SFXN5: variants seen among roughly 807,000 people sequenced by gnomAD.
SFXN5 encodes sideroflexin-5.
SFXN5 carries 43 observed loss-of-function variants against 50.2 expected under a neutral mutation model. The ratio of observed to expected loss-of-function variants is 0.86; its 90% CI spans 0.67 to 1.11. SFXN5 has a LOEUF of 1.11. Among genes scored for constraint, SFXN5 ranks in the 50% least tolerant of loss-of-function variants. The pLI, the probability that SFXN5 is intolerant of heterozygous loss-of-function variation, is 0.00. For synonymous variants in SFXN5, 203 were observed against 185.8 expected (o/e 1.09, Z -0.75); for missense variants, 463 against 454.1 (o/e 1.02, Z -0.18).
chr2:72,981,056 G>A (rs985591667), intron 10 of SFXN5: 2 of 152,256 alleles, frequency 1.3e-5, no homozygotes, highest in South Asian at 2.1e-4. Context: ...TGCCTTGGTC[G>A]CGTGCGAGTG....
At chr2:72,974,521 GT>G (rs1670392735) in intron 10 of SFXN5, among the ~76,000 whole-genome samples, 1 of 152,136 alleles carries the variant, frequency 6.6e-6, no homozygotes, top group South Asian at 2.1e-4. Flanking sequence ...CAGAATGATG[GT>G]ACCTGCCCCC....
Position 73,071,323 on chromosome 2 carries a change from G to A in SFXN5, c.102+281C>T, listed in dbSNP as rs141900764. 5.0e-4 allele frequency: 216 copies of A among 433,134 alleles called. 2 individuals carry two copies. Among genetic ancestry groups the A allele is most frequent in the African/African-American group, 4.0e-3 (193 of 48,092 alleles). The allele number at this position is 433,134 out of a possible 1,614,324, so 26.8% of individuals were successfully genotyped here. On this transcript the variant is annotated intron_variant, in intron 1 of 13. Transcript: ENST00000272433. Reference sequence around the variant, plus strand: ...CTCGGGACCTTGACCGCAGCCGCCGGTGGCCAATCACAGGGCGCCGCGGGC... The same window carrying A: ...CTCGGGACCTTGACCGCAGCCGCCGATGGCCAATCACAGGGCGCCGCGGGC...
At chr2:73,071,547 GT>G in intron 1 of SFXN5, 56 bp downstream of exon 1, 1 of 1,535,728 alleles carries the variant, frequency 6.5e-7, no homozygotes, top group South Asian at 1.2e-5. Context: ...TTGGAGGGGA[GT>G]TTGCTCGTCC....
intron 1 of SFXN5, chr2:73,071,266 A>G (rs963923285): frequency 1.3e-5 from 4 of 302,344 alleles, no homozygotes; most frequent in African/African-American, 8.9e-5. Context: ...CACAACCCGG[A>G]GCGACCCTGA....
intron 2 of SFXN5, chr2:73,049,558 C>A (rs1207363152): frequency 1.3e-5 from 2 of 152,176 alleles, no homozygotes; most frequent in Non-Finnish European, 2.9e-5. Context: ...CCCGGCCAGG[C>A]CTCTTTTACA....
intron 3 of SFXN5, among the ~76,000 whole-genome samples, chr2:73,029,546 G>C (rs1427744706): frequency 6.6e-6 from 1 of 152,148 alleles, no homozygotes. Context: ...ATCTCAGAGA[G>C]ACTAAGTGAC....
At chr2:73,010,102 T>C (rs529930023) in intron 6 of SFXN5, among the ~76,000 whole-genome samples, 3 of 152,244 alleles carry the variant, frequency 2.0e-5, no homozygotes, top group South Asian at 2.1e-4. Context: ...ATGGAATATT[T>C]ATAAAAGTTA....
At chr2:72,994,107 T>G (rs1574060480) in intron 9 of SFXN5, among the ~76,000 whole-genome samples, 1 of 151,770 alleles carries the variant, frequency 6.6e-6, no homozygotes, top group Non-Finnish European at 1.5e-5. Flanking sequence ...CCACAGGGGG[T>G]GCAGCAGGAA....
chr2:72,970,638 T>A (rs945031439), intron 11 of SFXN5, among the ~76,000 whole-genome samples: 2 of 150,780 alleles, frequency 1.3e-5, no homozygotes, highest in Non-Finnish European at 2.9e-5. Flanking sequence ...CTAACCACCA[T>A]CAGGACAAAG....
chr2:73,003,935 T>C (rs1259997446), intron 6 of SFXN5, among the ~76,000 whole-genome samples: 3 of 152,132 alleles, frequency 2.0e-5, no homozygotes, highest in African/African-American at 7.2e-5. Flanking sequence ...CTGCTATGAG[T>C]CTCCTCATTC....
intron 2 of SFXN5, among the ~76,000 whole-genome samples, chr2:73,054,622 C>A (rs917227646): frequency 2.0e-5 from 3 of 152,194 alleles, no homozygotes; most frequent in African/African-American, 7.2e-5. Context: ...CCTGCCTGTT[C>A]ATGGTAATCT....
chr2:73,010,720 AC>A lies in SFXN5; in HGVS notation c.358-9143del, dbSNP rs1398723436. Among the ~76,000 whole-genome samples the A allele has an allele frequency of 1.3e-5, 2 of 152,204 alleles. 1 individual carries two copies. Among genetic ancestry groups the A allele is most frequent in the African/African-American group, 4.8e-5 (2 of 41,438 alleles). ...TTCTCTGAAAATAAGATAAGCTAGA[AC>A]ATAACAAAAGAACACATTTTTTAAA... On this transcript the variant is annotated intron_variant, in intron 6 of 13. Coordinates refer to ENST00000272433, the MANE Select transcript of SFXN5 (RefSeq NM_144579.3).
intron 13 of SFXN5, among the ~76,000 whole-genome samples, chr2:72,948,371 T>C (rs1194002070): frequency 6.6e-6 from 1 of 152,248 alleles, no homozygotes; most frequent in Non-Finnish European, 1.5e-5. Flanking sequence ...GTATTTCTTT[T>C]AAATATAATC....
intron 9 of SFXN5, among the ~76,000 whole-genome samples, chr2:72,991,034 G>A (rs887584856): frequency 3.3e-5 from 5 of 152,186 alleles, no homozygotes; most frequent in Middle Eastern, 3.2e-3. Context: ...TGGAAGAGGC[G>A]GGGAACAGGA....
At chr2:72,957,683 CAGA>C (rs1180158952) in intron 13 of SFXN5, among the ~76,000 whole-genome samples, 2 of 152,248 alleles carry the variant, frequency 1.3e-5, no homozygotes, top group African/African-American at 2.4e-5. Flanking sequence ...CCCTGTATGG[CAGA>C]AGAAGCACCT....
chr2:72,997,306 T>C (rs1215841648), intron 9 of SFXN5: 1 of 152,222 alleles, frequency 6.6e-6, no homozygotes, highest in Non-Finnish European at 1.5e-5. Context: ...TATGGTACAA[T>C]GGGTAATTAT....
intron 6 of SFXN5, among the ~76,000 whole-genome samples, chr2:73,006,733 G>A (rs1248181457): frequency 2.0e-5 from 3 of 152,106 alleles, no homozygotes; most frequent in South Asian, 2.1e-4. Context: ...CTACATATGC[G>A]GAGTGACTAT....
chr2:72,985,202 C>A (rs989832326), intron 10 of SFXN5, among the ~76,000 whole-genome samples: 4 of 152,158 alleles, frequency 2.6e-5, no homozygotes, highest in Non-Finnish European at 5.9e-5. Context: ...GGACAGGGGA[C>A]CCTCCACAAG....
intron 3 of SFXN5, 44 bp downstream of exon 3, chr2:73,040,810 C>A: frequency 6.7e-7 from 1 of 1,499,994 alleles, no homozygotes; most frequent in Non-Finnish European, 9.1e-7. Flanking sequence ...TCTCACTTTC[C>A]TTCCCTTCCC....
Sources: allele counts gnomAD v4.1 joint callset (sites outside exome capture counted in the v4.1 genomes callset), GRCh38; gene constraint gnomAD v4.1.1; transcripts MANE v1.5; gene names NCBI Gene and HGNC (gene_info 2026-07-23, HGNC 2026-07-21).